Variants in PTPRD observed in about 807,000 individuals in gnomAD.
The protein encoded by PTPRD is protein tyrosine phosphatase receptor type D, also known as receptor-type tyrosine-protein phosphatase delta.
PTPRD carries 34 observed loss-of-function variants against 214.5 expected under a neutral mutation model. The observed-to-expected ratio is 0.16, with a 90% CI of 0.12 to 0.21. PTPRD has a LOEUF of 0.21. Ranked by LOEUF, PTPRD falls within the 10% of genes least tolerant of loss-of-function variation. The probability of loss-of-function intolerance (pLI) is 1.00; values close to 1 mark genes in which losing one functional copy is unlikely to be tolerated. For missense variants in PTPRD, 2,545 were observed against 2,398.7 expected, an observed-to-expected ratio of 1.06 and a Z score of -1.27; for synonymous variants, 1,128 against 845.7, an observed-to-expected ratio of 1.33 and a Z score of -5.79.
intron 5 of PTPRD, among the ~76,000 whole-genome samples, chr9:9,869,638 A>T (rs1472692866): frequency 6.6e-6 from 1 of 152,110 alleles, no homozygotes; most frequent in African/African-American, 2.4e-5. Flanking sequence ...TCTAACCAAA[A>T]ATCTAGATGT....
chr9:10,164,850 G>C (rs1438947751), intron 3 of PTPRD, among the ~76,000 whole-genome samples: 1 of 149,434 alleles, frequency 6.7e-6, no homozygotes, highest in Non-Finnish European at 1.5e-5. Flanking sequence ...AATCTAATGA[G>C]ATATGCTGAG....
rs548745383 is a variant in PTPRD at position 9,075,860 on chromosome 9, G to A, written c.-142-57125C>T. ...AGTCTTTGCTATTGTGAATAGTGCC[G>A]CAATAAACATACGTGTGCATGTGTC... is the stretch of plus-strand genomic sequence containing the variant. On this transcript the variant is annotated intron_variant, in intron 10 of 45. Coordinates refer to ENST00000381196, the MANE Select transcript of PTPRD (RefSeq NM_002839.4). 1.6e-4 allele frequency among the ~76,000 whole-genome samples: 25 copies of A among 152,180 alleles called. 1 individual carries two copies. The highest frequency in any genetic ancestry group is 2.8e-4 in the Non-Finnish European group (19 of 68,012).
chr9:9,320,642 C>A (rs997193621), intron 9 of PTPRD, among the ~76,000 whole-genome samples: 6 of 152,192 alleles, frequency 3.9e-5, no homozygotes, highest in African/African-American at 9.6e-5. Flanking sequence ...ATTGAGTAGA[C>A]CTTTCTAGTG....
chr9:9,681,905 C>A (rs560809595), intron 7 of PTPRD, among the ~76,000 whole-genome samples: 62 of 151,896 alleles, frequency 4.1e-4, no homozygotes, highest in African/African-American at 1.4e-3. Context: ...GCAGGAAAAT[C>A]ATTTACATTT....
intron 5 of PTPRD, among the ~76,000 whole-genome samples, chr9:9,787,247 C>T (rs1319775950): frequency 4.0e-5 from 6 of 150,882 alleles, no homozygotes; most frequent in Non-Finnish European, 1.5e-5. Flanking sequence ...CAGTACTACA[C>T]AACAGTGACA....
intron 34 of PTPRD, chr9:8,438,551 G>C (rs914532040): frequency 6.6e-6 from 1 of 152,128 alleles, no homozygotes; most frequent in Non-Finnish European, 1.5e-5. Context: ...ATAATTACGT[G>C]ATCTTATCCA....
chr9:9,711,494 T>A (rs989382895), intron 7 of PTPRD, among the ~76,000 whole-genome samples: 1 of 152,192 alleles, frequency 6.6e-6, no homozygotes, highest in Non-Finnish European at 1.5e-5. Flanking sequence ...ATATGCCTAA[T>A]AATAATAATT....
At chr9:9,495,006 C>T (rs2096104342) in intron 8 of PTPRD, among the ~76,000 whole-genome samples, 1 of 151,994 alleles carries the variant, frequency 6.6e-6, no homozygotes, top group Non-Finnish European at 1.5e-5. Flanking sequence ...CAGAAATAAA[C>T]ACTCACATAT....
At chr9:9,890,513 T>C (rs1463538724) in intron 5 of PTPRD, among the ~76,000 whole-genome samples, 1 of 152,232 alleles carries the variant, frequency 6.6e-6, no homozygotes, top group East Asian at 1.9e-4. Flanking sequence ...TTCTTCATAT[T>C]AAACTTTTAC....
chr9:8,754,870 T>C (rs2093853413), intron 11 of PTPRD, among the ~76,000 whole-genome samples: 4 of 152,146 alleles, frequency 2.6e-5, no homozygotes, highest in South Asian at 2.1e-4. Flanking sequence ...CTCTATCCTT[T>C]TGGGGAAATG....
At chr9:8,491,551 T>C (rs1052959517) in intron 27 of PTPRD, among the ~76,000 whole-genome samples, 5 of 151,808 alleles carry the variant, frequency 3.3e-5, no homozygotes, top group African/African-American at 1.2e-4. Context: ...TTGTTGACGT[T>C]CTAACAGAGA....
At chr9:10,119,877 G>A (rs1018187231) in intron 3 of PTPRD, among the ~76,000 whole-genome samples, 2 of 151,972 alleles carry the variant, frequency 1.3e-5, no homozygotes, top group Non-Finnish European at 2.9e-5. Context: ...GAAAACGTAG[G>A]AGGGCATGCT....
chr9:8,575,769 A>T (rs1011822755), intron 14 of PTPRD, among the ~76,000 whole-genome samples: 2 of 152,178 alleles, frequency 1.3e-5, no homozygotes, highest in Admixed American at 6.5e-5. Context: ...AACAAATGGG[A>T]AATTGTGCAA....
intron 11 of PTPRD, among the ~76,000 whole-genome samples, chr9:8,905,410 A>G (rs887158145): frequency 1.3e-5 from 2 of 152,146 alleles, no homozygotes; most frequent in Non-Finnish European, 2.9e-5. Flanking sequence ...TGAATGTGCA[A>G]AAAAGATGAG....
At chr9:10,104,023 A>G (rs1293040973) in intron 3 of PTPRD, among the ~76,000 whole-genome samples, 1 of 151,758 alleles carries the variant, frequency 6.6e-6, no homozygotes, top group Non-Finnish European at 1.5e-5. Flanking sequence ...CACCATGTGT[A>G]GGAAACTTAA....
intron 2 of PTPRD, among the ~76,000 whole-genome samples, chr9:10,541,335 G>A (rs1038464081): frequency 1.6e-4 from 25 of 152,016 alleles, no homozygotes; most frequent in African/African-American, 4.3e-4. Flanking sequence ...TCCAATTGAC[G>A]GAACTTATTT....
intron 2 of PTPRD, among the ~76,000 whole-genome samples, chr9:10,507,373 C>T (rs1167629576): frequency 6.6e-6 from 1 of 152,012 alleles, no homozygotes; most frequent in Non-Finnish European, 1.5e-5. Context: ...GCCATATTGC[C>T]CAAGGTAATT....
chr9:10,368,731 T>C (rs1191998550), intron 2 of PTPRD, among the ~76,000 whole-genome samples: 1 of 152,064 alleles, frequency 6.6e-6, no homozygotes, highest in African/African-American at 2.4e-5. Context: ...CTTAAACATA[T>C]GATGATGTTA....
Position 10,173,402 on chromosome 9 carries a change from G to A in PTPRD, c.-544-139612C>T, listed in dbSNP as rs113500453. 2.2e-3 allele frequency among the ~76,000 whole-genome samples: 330 copies of A among 152,142 alleles called. 3 individuals carry two copies. The highest frequency in any genetic ancestry group is 6.9e-3 in the African/African-American group (285 of 41,502). On this transcript the variant is annotated intron_variant, in intron 3 of 45. Coordinates refer to ENST00000381196, the MANE Select transcript of PTPRD (RefSeq NM_002839.4). ...TAAGGAAAGTTTAAGTGATTTGCCC[G>A]TAGTGACTCACAGCTAGTAAGATGT...
Sources: gnomAD v4.1 joint callset for allele counts (sites outside exome capture counted in the v4.1 genomes callset) on GRCh38, gnomAD v4.1.1 for gene constraint, MANE v1.5 for transcripts, NCBI Gene and HGNC (gene_info 2026-07-23, HGNC 2026-07-21) for gene names.